FSCN2: variants seen among roughly 807,000 people sequenced by gnomAD.
FSCN2 encodes fascin-2.
A neutral mutation model predicts 37.8 loss-of-function variants in FSCN2; 46 were observed. The observed-to-expected ratio is 1.22, with a 90% confidence interval of 0.96 to 1.56. FSCN2 has a LOEUF of 1.56. Ranked by LOEUF, FSCN2 falls within the 40% of genes most tolerant of loss-of-function variation. The probability of loss-of-function intolerance (pLI) is 0.00; values close to 1 mark genes in which losing one functional copy is unlikely to be tolerated. For missense variants in FSCN2, 844 were observed against 730.4 expected (o/e 1.16, Z -1.79); for synonymous variants, 351 against 309.4 (o/e 1.13, Z -1.41).
chr17:81,529,657 G>A (rs782166204), intron 1 of FSCN2: 1 of 636,986 alleles, frequency 1.6e-6, no homozygotes, highest in Admixed American at 1.9e-5. Flanking sequence ...TGCGGAGTCT[G>A]AGACTGGAGA....
At chr17:81,526,874 G>A (rs534733559), upstream of FSCN2, among the ~76,000 whole-genome samples, 3 of 152,318 alleles carry the variant, frequency 2.0e-5, no homozygotes, top group Admixed American at 6.5e-5. Context: ...TCATAAATGC[G>A]TGTGAATCAT....
chr17:81,528,742 G>A lies in FSCN2; in HGVS notation c.211G>A (p.Ala71Thr), dbSNP rs782079107. ...CAGCCACCTGGGCCGCTACCTGTCG[G>A]CAGAAGAGGACGGGCGCGTGGCCTG... ...RSSHLGRYLS[A>T]EEDGRVACEA... Residue 71 changes from alanine (A) to threonine (T), a missense_variant, in exon 1 of 5, where the codon GCA becomes ACA. Transcript: ENST00000417245. The A allele has an allele frequency of 6.8e-5, 109 of 1,592,668 alleles. No homozygotes were observed. The highest frequency in any genetic ancestry group is 8.6e-5 in the Non-Finnish European group (101 of 1,170,864).
Position 81,531,707 on chromosome 17 carries a change from GATA to G in FSCN2, c.826+2351_826+2353del, listed in dbSNP as rs1322965936. Among the ~76,000 whole-genome samples the G allele has an allele frequency of 2.4e-3, 293 of 120,766 alleles. 3 individuals carry two copies. The highest frequency in any genetic ancestry group is 9.7e-3 in the African/African-American group (263 of 27,138). The allele number at this position is 120,766 out of a possible 152,430, so 79.2% of individuals were successfully genotyped here. On this transcript the variant is annotated intron_variant, in intron 1 of 4. Transcript: ENST00000417245. ...TGGTGATGATGGTGATGGTGATGATGATAGTGATGGTGGTGATGGTGATGGTGA... is the reference window on the plus strand; with the variant it reads ...TGGTGATGATGGTGATGGTGATGATGGTGATGGTGGTGATGGTGATGGTGA...
chr17:81,520,097 G>A, the FSCN2 span, among the ~76,000 whole-genome samples: 1 of 152,220 alleles, frequency 6.6e-6, no homozygotes, highest in African/African-American at 2.4e-5. Context: ...GGCAGGGGCC[G>A]CCCCAGACCT....
chr17:81,516,438 C>CG, the FSCN2 span, among the ~76,000 whole-genome samples: 1 of 152,256 alleles, frequency 6.6e-6, no homozygotes, highest in Admixed American at 6.5e-5. Flanking sequence ...CTACTCTCAG[C>CG]CCACCTCCCT....
In FSCN2 at chr17:81,528,468, GC is replaced by G; in HGVS notation, c.-63del. 2 of 1,272,874 alleles carry G rather than the reference GC, an allele frequency of 1.6e-6. No homozygotes were observed. Among genetic ancestry groups the G allele is most frequent in the Non-Finnish European group, 2.2e-6 (2 of 911,316 alleles). 78.8% of individuals were successfully genotyped at this position (1,272,874 alleles called of 1,614,324 possible). ...AGCCGACCCGGGCTTCTGGGGGACC[GC>G]GGGGGCCGTGAGCACTCAGAGGGCG... On this transcript the variant is annotated 5_prime_UTR_variant, in exon 1 of 5. Transcript: ENST00000417245.
chr17:81,532,158 ATGATGGTGATGGTGGTGGTGATGG>A lies in FSCN2; in HGVS notation c.826+2804_826+2827del, dbSNP rs1568078767. Reference sequence around the variant, plus strand: ...GATGGTGATGATGGTGATGGTGATGATGATGGTGATGGTGGTGGTGATGGTGGTGGTGATGGTGGTGGTGGTGAT... The same window carrying A: ...GATGGTGATGATGGTGATGGTGATGATGGTGGTGATGGTGGTGGTGGTGAT... On this transcript the variant is annotated intron_variant, in intron 1 of 4. Transcript: ENST00000417245. Among the ~76,000 whole-genome samples the A allele has an allele frequency of 3.1e-4, 36 of 114,312 alleles. 1 individual carries two copies. Among genetic ancestry groups the A allele is most frequent in the African/African-American group, 1.3e-3 (34 of 25,584 alleles). The allele number at this position is 114,312 out of a possible 152,430, so 75.0% of individuals were successfully genotyped here.
rs2032913330 is a variant in FSCN2 at position 81,537,071 on chromosome 17, G to A, written c.1470G>A (p.Trp490Ter). Reference protein sequence around the residue: ...DADAPAGTALWEY With the variant: ...DADAPAGTAL ...ACGCCCCGGCCGGGACCGCGCTTTG[G>A]GAGTACTGAGGCCGCGCCCAGACCA... Residue 490 changes from tryptophan to a stop codon, truncating the protein, a stop_gained, in exon 5 of 5, where the codon TGG becomes TGA. Transcript: ENST00000417245. LOFTEE classifies it high-confidence loss of function. 6.9e-7 allele frequency: 1 copy of A among 1,449,146 alleles called. No individual in the cohort carries two copies. Among genetic ancestry groups the A allele is most frequent in the South Asian group, 1.4e-5 (1 of 72,430 alleles). The allele number at this position is 1,449,146 out of a possible 1,614,324, so 89.8% of individuals were successfully genotyped here. A position where few individuals can be genotyped will look rare whatever the true frequency, so the allele number is the denominator to read the frequency against.
At chr17:81,528,073 G>A (rs529636795), upstream of FSCN2, among the ~76,000 whole-genome samples, 13 of 152,220 alleles carry the variant, frequency 8.5e-5, no homozygotes, top group East Asian at 1.2e-3. Context: ...GGGCCGGGCC[G>A]GGCCGGGAGC....
In FSCN2 at chr17:81,528,883, C is replaced by A; in HGVS notation, c.352C>A (p.Leu118Met). The change falls in exon 1 of 5, where the codon CTG becomes ATG. Residue 118 changes from leucine to methionine, a missense_variant. By Grantham distance (15) the Leu-to-Met change is conservative (BLOSUM62 2). Coordinates refer to ENST00000417245, the MANE Select transcript of FSCN2 (RefSeq NM_012418.4). ...GRFFGGTEDQ[L>M]SCFATAVSPA... ...CTTCTTCGGAGGCACCGAGGACCAG[C>A]TGTCCTGCTTCGCCACAGCCGTTTC... The A allele has an allele frequency of 6.4e-7, 1 of 1,573,410 alleles. No individual in the cohort carries two copies. Among genetic ancestry groups the A allele is most frequent in the Non-Finnish European group, 8.6e-7 (1 of 1,162,920 alleles).
At chr17:81,515,267 A>G in the FSCN2 span, among the ~76,000 whole-genome samples, 5 of 152,164 alleles carry the variant, frequency 3.3e-5, no homozygotes, top group Middle Eastern at 0.014. Context: ...CCAGTGGCGC[A>G]GGGCAGCCGC....
At chr17:81,515,816 A>C in the FSCN2 span, among the ~76,000 whole-genome samples, 38 of 152,366 alleles carry the variant, frequency 2.5e-4, no homozygotes, top group Admixed American at 2.2e-3. Flanking sequence ...CTGTCACTCT[A>C]CCTGCCTGGA....
intron 1 of FSCN2, among the ~76,000 whole-genome samples, chr17:81,532,454 G>GAT (rs2032715621): frequency 3.3e-5 from 5 of 149,858 alleles, no homozygotes; most frequent in Non-Finnish European, 5.9e-5. Context: ...TGATGGTGAT[G>GAT]GTGGTGGTGA....
In FSCN2 at chr17:81,528,921, G is replaced by A. The variant is rs782182207; in HGVS notation, c.390G>A (p.Leu130=). ...CCACAGCCGTTTCCCCGGCCGAGCTGTGGACCGTGCACCTGGCCATCCACC... is the reference window on the plus strand; with the variant it reads ...CCACAGCCGTTTCCCCGGCCGAGCTATGGACCGTGCACCTGGCCATCCACC... The part of the protein sequence containing the change: ...CFATAVSPAE[L]WTVHLAIHPQ... The change falls in exon 1 of 5, where the codon CTG becomes CTA. Residue 130 remains leucine (L), a synonymous_variant. Coordinates refer to ENST00000417245, the MANE Select transcript of FSCN2 (RefSeq NM_012418.4). 1.2e-5 allele frequency: 19 copies of A among 1,591,118 alleles called. No homozygotes were observed. The East Asian group carries it at 4.1e-4, about 34-fold the overall frequency.
chr17:81,531,173 G>A (rs2032538661), intron 1 of FSCN2, among the ~76,000 whole-genome samples: 2 of 148,104 alleles, frequency 1.4e-5, no homozygotes, highest in African/African-American at 5.2e-5. Flanking sequence ...TGATGGTGGT[G>A]ATGGTGATGA....
chr17:81,515,115 C>T, the FSCN2 span, among the ~76,000 whole-genome samples: 1 of 151,720 alleles, frequency 6.6e-6, no homozygotes, highest in Non-Finnish European at 1.5e-5. Flanking sequence ...TCTGCCTGTC[C>T]CTGGGATGCG....
chr17:81,530,913 G>A (rs1166176086), intron 1 of FSCN2, among the ~76,000 whole-genome samples: 1 of 3,010 alleles, frequency 3.3e-4, no homozygotes, highest in Non-Finnish European at 6.2e-4. Context: ...GGCCCAGGCC[G>A]GGCATGTGGC....
intron 1 of FSCN2, among the ~76,000 whole-genome samples, chr17:81,534,764 C>A (rs1329673226): frequency 2.6e-5 from 4 of 151,846 alleles, no homozygotes; most frequent in Non-Finnish European, 5.9e-5. Flanking sequence ...CAGCTGATTA[C>A]TGATTAGCAG....
chr17:81,534,305 C>G (rs549616403), intron 1 of FSCN2, among the ~76,000 whole-genome samples: 7 of 152,190 alleles, frequency 4.6e-5, no homozygotes, highest in African/African-American at 1.4e-4. Flanking sequence ...CCTCCCAGTC[C>G]CCAGCTGGAC....
Sources: allele counts gnomAD v4.1 joint callset (sites outside exome capture counted in the v4.1 genomes callset), GRCh38; gene constraint gnomAD v4.1.1; transcripts MANE v1.5; gene names NCBI Gene and HGNC (gene_info 2026-07-23, HGNC 2026-07-21).